Variants in DNAH6 observed in about 807,000 individuals in gnomAD.
The protein encoded by DNAH6 is axonemal beta dynein heavy chain 6.
A neutral mutation model predicts 491.4 loss-of-function variants in DNAH6; 340 were observed. The ratio of observed to expected loss-of-function variants is 0.69; its 90% CI spans 0.63 to 0.76. The LOEUF is 0.76. DNAH6 is among the 30% of genes least tolerant of loss of function. The pLI is 0.00. For synonymous variants in DNAH6, 1,603 were observed against 1,686.1 expected (o/e 0.95, Z 1.21); for missense variants, 4,443 against 4,972.2 (o/e 0.89, Z 3.20).
the DNAH6 span, among the ~76,000 whole-genome samples, chr2:84,465,493 T>C: frequency 6.6e-6 from 1 of 151,564 alleles, no homozygotes; most frequent in Non-Finnish European, 1.5e-5. Flanking sequence ...AGACTCTGTC[T>C]CAAAACAAAA....
intron 68 of DNAH6, among the ~76,000 whole-genome samples, chr2:84,795,834 A>G (rs999554097): frequency 1.3e-5 from 2 of 152,206 alleles, no homozygotes; most frequent in African/African-American, 4.8e-5. Flanking sequence ...CTTTGAATCT[A>G]TCTTTCCTCC....
intron 49 of DNAH6, among the ~76,000 whole-genome samples, chr2:84,703,067 C>T (rs1421814773): frequency 6.6e-6 from 1 of 152,222 alleles, no homozygotes; most frequent in Non-Finnish European, 1.5e-5. Flanking sequence ...ACATCTGGAC[C>T]TGTTCCTCAC....
At chr2:84,561,637 G>A (rs1013985370) in intron 11 of DNAH6, among the ~76,000 whole-genome samples, 3 of 152,016 alleles carry the variant, frequency 2.0e-5, no homozygotes, top group African/African-American at 4.8e-5. Flanking sequence ...TTCACAACCT[G>A]CTCATCTGAC....
chr2:84,583,951 A>G (rs1683291521), intron 14 of DNAH6, 48 bp from the exon 15 acceptor site: 2 of 1,596,160 alleles, frequency 1.3e-6, no homozygotes, highest in Non-Finnish European at 1.7e-6. Flanking sequence ...CTTCAAGACT[A>G]AACTAGGATT....
Position 84,756,677 on chromosome 2 carries a change from C to G in DNAH6, c.10513-6078C>G, listed in dbSNP as rs79344338. ...CATCCAAAGAAAACACAGAACCATG[C>G]CCTTTCTCTGGGCAGGGAATTCCCA... On this transcript the variant is annotated intron_variant, in intron 63 of 76. Coordinates refer to ENST00000389394, the MANE Select transcript of DNAH6 (RefSeq NM_001370.2). Among the ~76,000 whole-genome samples, 74 of 152,308 alleles carry G rather than the reference C, an allele frequency of 4.9e-4. 1 individual carries two copies. The East Asian group carries it at 0.012, about 24-fold the overall frequency.
chr2:84,744,375 A>G (rs1325744137), intron 62 of DNAH6, among the ~76,000 whole-genome samples: 1 of 152,226 alleles, frequency 6.6e-6, no homozygotes, highest in Non-Finnish European at 1.5e-5. Context: ...TTCTTAGTAC[A>G]TGTTATAACC....
chr2:84,514,867 T>TCACACACACA (rs58335460), upstream of DNAH6, among the ~76,000 whole-genome samples: 19,712 of 138,830 alleles, frequency 0.14, 1,992 homozygotes, highest in African/African-American at 0.28. Context: ...TTCACCACAG[T>TCACACACACA]CACACACACA....
intron 52 of DNAH6, 127 bp downstream of exon 52, chr2:84,705,874 C>G: frequency 8.5e-7 from 1 of 1,178,816 alleles, no homozygotes; most frequent in Middle Eastern, 2.2e-4. Flanking sequence ...TGGAAATTAG[C>G]TTTTGTTTTA....
the DNAH6 span, among the ~76,000 whole-genome samples, chr2:84,490,727 A>T: frequency 1.3e-5 from 2 of 152,150 alleles, no homozygotes; most frequent in East Asian, 3.9e-4. Flanking sequence ...ACACTCGGCT[A>T]ATTTTTATAT....
At chr2:84,704,422 T>A in intron 51 of DNAH6, 120 bp downstream of exon 51, 1 of 742,108 alleles carries the variant, frequency 1.3e-6, no homozygotes, top group South Asian at 1.9e-5. Context: ...AGTTGGTCAT[T>A]CAACAAATTG....
intron 5 of DNAH6, among the ~76,000 whole-genome samples, chr2:84,546,261 T>C (rs554041655): frequency 1.1e-4 from 16 of 152,314 alleles, no homozygotes; most frequent in African/African-American, 3.8e-4. Context: ...AAGTCCCTTA[T>C]ATAAAATGGC....
At chr2:84,578,635 G>C (rs1434916853) in intron 13 of DNAH6, among the ~76,000 whole-genome samples, 1 of 152,178 alleles carries the variant, frequency 6.6e-6, no homozygotes, top group Non-Finnish European at 1.5e-5. Context: ...GAGAGACAGA[G>C]AAAGCCTGGG....
At chr2:84,773,573 A>C (rs1437793604) in intron 64 of DNAH6, among the ~76,000 whole-genome samples, 2 of 152,102 alleles carry the variant, frequency 1.3e-5, no homozygotes, top group Admixed American at 6.5e-5. Context: ...TTTCTTTTGG[A>C]TATATACCCA....
chr2:84,496,352 C>A, the DNAH6 span, among the ~76,000 whole-genome samples: 2 of 152,078 alleles, frequency 1.3e-5, no homozygotes, highest in African/African-American at 4.8e-5. Flanking sequence ...ATAAAAATAA[C>A]CATAAATCTC....
intron 49 of DNAH6, among the ~76,000 whole-genome samples, chr2:84,702,703 C>A (rs112997623): frequency 1.3e-5 from 2 of 151,862 alleles, no homozygotes; most frequent in Non-Finnish European, 2.9e-5. Context: ...CCACCACGCC[C>A]GACTAATTTT....
chr2:84,585,562 C>T (rs72941009), intron 15 of DNAH6, among the ~76,000 whole-genome samples: 3,538 of 151,920 alleles, frequency 0.023, 125 homozygotes, highest in African/African-American at 0.08. Flanking sequence ...CTCCTCTCTG[C>T]AGGCAGGTTG....
At chr2:84,581,389 G>T (rs1481937521) in intron 14 of DNAH6, among the ~76,000 whole-genome samples, 1 of 151,470 alleles carries the variant, frequency 6.6e-6, no homozygotes, top group Non-Finnish European at 1.5e-5. Context: ...AGTTTAGTGA[G>T]CATCACTTAG....
chr2:84,579,720 A>G (rs768378232), intron 14 of DNAH6, 41 bp downstream of exon 14: 5 of 1,493,308 alleles, frequency 3.3e-6, no homozygotes, highest in Non-Finnish European at 3.6e-6. Flanking sequence ...TCCAGATCTT[A>G]TAGTAGGAAG....
chr2:84,731,433 A>G (rs1699104642), intron 61 of DNAH6, among the ~76,000 whole-genome samples: 1 of 152,206 alleles, frequency 6.6e-6, no homozygotes, highest in East Asian at 1.9e-4. Context: ...CCAGCTCCTA[A>G]GATAGTAATT....
Sources: gnomAD v4.1 joint callset for allele counts (sites outside exome capture counted in the v4.1 genomes callset) on GRCh38, gnomAD v4.1.1 for gene constraint, MANE v1.5 for transcripts, NCBI Gene and HGNC (gene_info 2026-07-23, HGNC 2026-07-21) for gene names.